NALF1: variants seen among roughly 807,000 people sequenced by gnomAD.
NALF1 encodes NALCN channel auxiliary factor 1.
Under a neutral mutation model 48.4 loss-of-function variants are expected in NALF1, and 3 were observed. That is an observed-to-expected ratio of 0.06 (90% CI 0.03 to 0.16). The LOEUF is 0.16. NALF1 is among the 10% of genes least tolerant of loss of function. The pLI, the probability that NALF1 is intolerant of heterozygous loss-of-function variation, is 1.00. For synonymous variants in NALF1, 262 were observed against 245.7 expected, an observed-to-expected ratio of 1.07 and a Z score of -0.62; for missense variants, 526 against 571.5, an observed-to-expected ratio of 0.92 and a Z score of 0.81.
At chr13:107,315,825 C>A (rs1048006266) in intron 1 of NALF1, among the ~76,000 whole-genome samples, 1 of 150,180 alleles carries the variant, frequency 6.7e-6, no homozygotes, top group Non-Finnish European at 1.5e-5. Context: ...TAAAAATGGG[C>A]ATATCTCTTT....
intron 1 of NALF1, among the ~76,000 whole-genome samples, chr13:107,726,784 T>C (rs1247580533): frequency 2.0e-5 from 3 of 152,068 alleles, no homozygotes; most frequent in Non-Finnish European, 2.9e-5. Flanking sequence ...CTAATTTTTG[T>C]ATTTTTAGTA....
rs374338882 is a variant in NALF1 at position 107,773,403 on chromosome 13, T to C, written c.915+92279A>G. Among the ~76,000 whole-genome samples, 72 of 152,284 alleles carry C rather than the reference T, an allele frequency of 4.7e-4. 1 individual carries two copies. In the South Asian group the frequency reaches 0.013, roughly 27 times the overall value. Reference sequence around the variant, plus strand: ...GACTAATGTCTTTGTTTAAAGCTAATATATGGCTAGACCTCAAGTTATTAT... The same window carrying C: ...GACTAATGTCTTTGTTTAAAGCTAACATATGGCTAGACCTCAAGTTATTAT... On this transcript the variant is annotated intron_variant, in intron 1 of 2. Coordinates refer to ENST00000375915, the MANE Select transcript of NALF1 (RefSeq NM_001080396.3).
intron 2 of NALF1, among the ~76,000 whole-genome samples, chr13:107,190,273 T>A (rs16969822): frequency 0.14 from 21,901 of 152,104 alleles, 1,739 homozygotes; most frequent in African/African-American, 0.21. Context: ...CATCAATGTA[T>A]TTAGAGTACA....
At chr13:107,636,403 A>G (rs146351878) in intron 1 of NALF1, among the ~76,000 whole-genome samples, 2 of 152,324 alleles carry the variant, frequency 1.3e-5, no homozygotes, top group African/African-American at 4.8e-5. Flanking sequence ...AATATGGAAC[A>G]TTTCTTCATT....
chr13:107,346,607 T>C (rs566085807), intron 1 of NALF1, among the ~76,000 whole-genome samples: 1 of 152,198 alleles, frequency 6.6e-6, no homozygotes, highest in African/African-American at 2.4e-5. Flanking sequence ...ATTGCCAGGG[T>C]GTGGGGAGGG....
At chr13:107,733,852 T>C (rs1876385621) in intron 1 of NALF1, among the ~76,000 whole-genome samples, 2 of 152,294 alleles carry the variant, frequency 1.3e-5, no homozygotes, top group South Asian at 4.1e-4. Context: ...GAGATACTCA[T>C]GCATTGCTTA....
intron 1 of NALF1, among the ~76,000 whole-genome samples, chr13:107,359,500 T>C (rs1317078700): frequency 4.6e-5 from 7 of 152,160 alleles, no homozygotes. Context: ...GTGGACAGTT[T>C]AATAGATATT....
intron 1 of NALF1, among the ~76,000 whole-genome samples, chr13:107,429,051 G>T (rs554285588): frequency 6.6e-6 from 1 of 152,122 alleles, no homozygotes; most frequent in Non-Finnish European, 1.5e-5. Context: ...AGCCGGGCAC[G>T]GTGGCTCACG....
intron 1 of NALF1, among the ~76,000 whole-genome samples, chr13:107,547,685 G>A (rs545618505): frequency 6.6e-6 from 1 of 152,110 alleles, no homozygotes; most frequent in Non-Finnish European, 1.5e-5. Context: ...CACTGTCCTT[G>A]CATCTATATC....
At chr13:107,397,349 G>C in intron 1 of NALF1, among the ~76,000 whole-genome samples, 1 of 152,144 alleles carries the variant, frequency 6.6e-6, no homozygotes, top group East Asian at 1.9e-4. Context: ...TGTTCTGTGT[G>C]TTCCTGATGT....
At chr13:107,833,529 A>G (rs1345152791) in intron 1 of NALF1, among the ~76,000 whole-genome samples, 2 of 152,152 alleles carry the variant, frequency 1.3e-5, no homozygotes, top group Non-Finnish European at 2.9e-5. Context: ...AGTACCAAAT[A>G]TATTTACTTT....
intron 1 of NALF1, among the ~76,000 whole-genome samples, chr13:107,286,427 G>A (rs1032602038): frequency 6.6e-6 from 1 of 151,896 alleles, no homozygotes; most frequent in Non-Finnish European, 1.5e-5. Flanking sequence ...ATGCCAGGGA[G>A]TTTGAGATCA....
At chr13:107,691,954 T>C (rs1409713204) in intron 1 of NALF1, among the ~76,000 whole-genome samples, 1 of 152,342 alleles carries the variant, frequency 6.6e-6, no homozygotes, top group Admixed American at 6.5e-5. Flanking sequence ...CTATTCTTTT[T>C]ATCTTAATCT....
intron 1 of NALF1, among the ~76,000 whole-genome samples, chr13:107,589,517 G>C (rs956882604): frequency 2.6e-5 from 4 of 151,976 alleles, no homozygotes; most frequent in South Asian, 4.1e-4. Flanking sequence ...TATTCAAACA[G>C]TTATCTGTGA....
At chr13:107,376,719 TAA>T (rs916969221) in intron 1 of NALF1, among the ~76,000 whole-genome samples, 1 of 152,128 alleles carries the variant, frequency 6.6e-6, no homozygotes, top group Non-Finnish European at 1.5e-5. Context: ...TTCAACAACA[TAA>T]AAAAGAGTCC....
intron 1 of NALF1, among the ~76,000 whole-genome samples, chr13:107,444,615 G>A (rs886984669): frequency 6.6e-6 from 1 of 152,104 alleles, no homozygotes; most frequent in African/African-American, 2.4e-5. Flanking sequence ...GTTTTGACGA[G>A]CTATAATAGA....
chr13:107,625,470 G>A (rs1279324145), intron 1 of NALF1, among the ~76,000 whole-genome samples: 1 of 152,014 alleles, frequency 6.6e-6, no homozygotes, highest in Non-Finnish European at 1.5e-5. Flanking sequence ...AAGTATCTTA[G>A]GGACATTGCA....
At chr13:107,173,781 G>C (rs1232870610) in intron 2 of NALF1, among the ~76,000 whole-genome samples, 1 of 152,164 alleles carries the variant, frequency 6.6e-6, no homozygotes, top group Non-Finnish European at 1.5e-5. Context: ...TTAATTGATT[G>C]TTTGGCTGGG....
chr13:107,189,703 T>G (rs1259410894), intron 2 of NALF1, among the ~76,000 whole-genome samples: 1 of 152,196 alleles, frequency 6.6e-6, no homozygotes, highest in Non-Finnish European at 1.5e-5. Flanking sequence ...GAATAAAAAT[T>G]GCAACTCCTT....
Sources: gnomAD v4.1 joint callset for allele counts (sites outside exome capture counted in the v4.1 genomes callset) on GRCh38, gnomAD v4.1.1 for gene constraint, MANE v1.5 for transcripts, NCBI Gene and HGNC (gene_info 2026-07-23, HGNC 2026-07-21) for gene names.